The following TSPAN13 variants were observed in gnomAD, a reference collection of about 807,000 sequenced individuals.
TSPAN13 encodes tetraspanin 13.
Under a neutral mutation model 26.9 loss-of-function variants are expected in TSPAN13, and 18 were observed. That is an observed-to-expected ratio of 0.67 (90% CI 0.46 to 0.99). TSPAN13 has a LOEUF of 0.99. Among genes scored for constraint, TSPAN13 ranks in the 50% least tolerant of loss-of-function variants. The pLI is 0.00. For synonymous variants in TSPAN13, 116 were observed against 98.4 expected, an observed-to-expected ratio of 1.18 and a Z score of -1.06; for missense variants, 201 against 249.6, an observed-to-expected ratio of 0.81 and a Z score of 1.31.
intron 5 of TSPAN13, among the ~76,000 whole-genome samples, chr7:16,782,089 T>TG (rs1346991900): frequency 1.3e-5 from 2 of 152,174 alleles, no homozygotes; most frequent in Admixed American, 6.5e-5. Context: ...TGAAAGCTAT[T>TG]GGGGGGATTA....
Position 16,776,242 on chromosome 7 carries a change from C to T in TSPAN13, c.95C>T (p.Ala32Val), listed in dbSNP as rs1396567398. The change falls in exon 2 of 6, where the codon GCG becomes GTG. Residue 32 changes from alanine (A) to valine (V), a missense_variant. By Grantham distance (64) the Ala-to-Val change is moderately conservative. Coordinates refer to ENST00000262067, the MANE Select transcript of TSPAN13 (RefSeq NM_014399.4). ...LVSLLLIGIA[A>V]WGIGFGLISS... The stretch of plus-strand genomic sequence containing the variant: ...AGTCTGCTGCTAATTGGAATTGCTG[C>T]GTGGGGCATTGGCTTCGGGCTGATT... 5 of 1,613,954 alleles carry T rather than the reference C, an allele frequency of 3.1e-6. No individual in the cohort carries two copies. Among genetic ancestry groups the T allele is most frequent in the East Asian group, 4.5e-5 (2 of 44,880 alleles).
At chr7:16,754,698 C>T (rs549108703) in intron 1 of TSPAN13, among the ~76,000 whole-genome samples, 5 of 152,220 alleles carry the variant, frequency 3.3e-5, no homozygotes, top group African/African-American at 7.2e-5. Context: ...TAAACCAAGT[C>T]CTCCAGGAAA....
chr7:16,758,582 G>A (rs937771396), intron 1 of TSPAN13, among the ~76,000 whole-genome samples: 4 of 152,084 alleles, frequency 2.6e-5, no homozygotes, highest in African/African-American at 9.7e-5. Context: ...AAGAAAACTC[G>A]TATAAAACAA....
intron 1 of TSPAN13, among the ~76,000 whole-genome samples, chr7:16,755,567 G>GT (rs1784473456): frequency 6.9e-6 from 1 of 144,936 alleles, no homozygotes; most frequent in African/African-American, 2.6e-5. Flanking sequence ...TTAAATCAGT[G>GT]TGAGTGGCCT....
At chr7:16,775,967 T>C (rs1339741206) in intron 1 of TSPAN13, 2 of 395,364 alleles carry the variant, frequency 5.1e-6, no homozygotes, top group African/African-American at 2.0e-5. Flanking sequence ...GTGAGAATTT[T>C]GCGTATTATC....
intron 3 of TSPAN13, 145 bp from the exon 4 acceptor site, chr7:16,777,653 A>C (rs1784769023): frequency 4.0e-6 from 2 of 503,860 alleles, no homozygotes; most frequent in Non-Finnish European, 3.4e-6. Context: ...TTTTGCTGCA[A>C]ACTGAGGAAT....
At chr7:16,771,993 A>G (rs1354356392) in intron 1 of TSPAN13, among the ~76,000 whole-genome samples, 2 of 152,218 alleles carry the variant, frequency 1.3e-5, no homozygotes, top group Non-Finnish European at 2.9e-5. Flanking sequence ...AACATTCTCA[A>G]TAATAGCATA....
rs1583798178 is a variant in TSPAN13 at position 16,783,602 on chromosome 7, C to T, written c.*111C>T. 3.2e-6 allele frequency: 3 copies of T among 928,036 alleles called. No individual in the cohort carries two copies. In the East Asian group the frequency reaches 7.2e-5, roughly 22 times the overall value. 57.5% of individuals were successfully genotyped at this position (928,036 alleles called of 1,614,324 possible). A position where few individuals can be genotyped will look rare whatever the true frequency, so the allele number is the denominator to read the frequency against. On this transcript the variant is annotated 3_prime_UTR_variant, in exon 6 of 6. Coordinates refer to ENST00000262067, the MANE Select transcript of TSPAN13 (RefSeq NM_014399.4). The stretch of plus-strand genomic sequence containing the variant: ...GAAGGAAACACTATCTGGAAAAGTA[C>T]CTTATTGATAGTGGAATTATATATT...
chr7:16,779,660 G>A (rs1357014231), intron 5 of TSPAN13, among the ~76,000 whole-genome samples: 1 of 151,208 alleles, frequency 6.6e-6, no homozygotes, highest in Non-Finnish European at 1.5e-5. Context: ...ATTTATGTAT[G>A]TGTATTTATC....
intron 2 of TSPAN13, 135 bp downstream of exon 2, chr7:16,776,513 A>G (rs1483710948): frequency 3.7e-6 from 3 of 802,712 alleles, no homozygotes; most frequent in Admixed American, 2.9e-5. Context: ...TTCAAGAACT[A>G]TTAGAAACAT....
At chr7:16,776,107 C>A (rs965230768) in intron 1 of TSPAN13, 104 bp from the exon 2 acceptor site, 24 of 1,086,960 alleles carry the variant, frequency 2.2e-5, no homozygotes, top group Admixed American at 4.9e-5. Context: ...TAAGAGACTA[C>A]GTAGGTGCCT....
Position 16,779,039 on chromosome 7 carries a change from G to A in TSPAN13, c.463G>A (p.Ala155Thr). 6.2e-7 allele frequency: 1 copy of A among 1,614,046 alleles called. No homozygotes were observed. Among genetic ancestry groups the A allele is most frequent in the Non-Finnish European group, 8.5e-7 (1 of 1,179,958 alleles). ...AAGTGACCACTCGTGCTCGCCATGT[G>A]CTCCAATCATAGGAGAATATGCTGG... ...VKSDHSCSPCAPIIGEYAGEV... is the reference protein window; with the variant it reads ...VKSDHSCSPCTPIIGEYAGEV... The change falls in exon 5 of 6, where the codon GCT becomes ACT. Residue 155 changes from alanine (A) to threonine (T), a missense_variant. Ala to Thr is a moderately conservative substitution (Grantham distance 58). Transcript: ENST00000262067.
chr7:16,769,731 G>A (rs908496774), intron 1 of TSPAN13, among the ~76,000 whole-genome samples: 1 of 151,918 alleles, frequency 6.6e-6, no homozygotes, highest in Non-Finnish European at 1.5e-5. Flanking sequence ...TGAAAGCTGT[G>A]TTTCTCTCCT....
chr7:16,762,810 TC>T (rs988604979), intron 1 of TSPAN13, among the ~76,000 whole-genome samples: 1 of 152,128 alleles, frequency 6.6e-6, no homozygotes. Context: ...CATGAATTGT[TC>T]CAGGCCAGGC....
In TSPAN13 at chr7:16,760,023, A is replaced by G. The variant is rs138264103; in HGVS notation, c.63+5993A>G. ...TGCTGGTTTATGCAAGGGACAGATG[A>G]GTCAAATATGAGTGGGACAGAGCAA... On this transcript the variant is annotated intron_variant, in intron 1 of 5. Coordinates refer to ENST00000262067, the MANE Select transcript of TSPAN13 (RefSeq NM_014399.4). Among the ~76,000 whole-genome samples, 155 of 152,214 alleles carry G rather than the reference A, an allele frequency of 1.0e-3. No homozygotes were observed. The East Asian group carries it at 0.027, about 27-fold the overall frequency.
rs778168369 is a variant in TSPAN13 at position 16,779,045 on chromosome 7, A to C, written c.469A>C (p.Ile157Leu). The change falls in exon 5 of 6, where the codon ATC (isoleucine) becomes CTC (leucine). Residue 157 changes from isoleucine (I) to leucine (L), a missense_variant. Transcript: ENST00000262067. ...CCACTCGTGCTCGCCATGTGCTCCAATCATAGGAGAATATGCTGGAGAGGT... is the reference window on the plus strand; with the variant it reads ...CCACTCGTGCTCGCCATGTGCTCCACTCATAGGAGAATATGCTGGAGAGGT... ...SDHSCSPCAP[I>L]IGEYAGEVLR... 1.1e-5 allele frequency: 18 copies of C among 1,614,034 alleles called. 1 individual carries two copies. The Middle Eastern group carries it at 4.9e-4, about 44-fold the overall frequency.
In TSPAN13 at chr7:16,778,984, T is replaced by A; in HGVS notation, c.427-19T>A. 1 of 1,550,218 alleles carries A rather than the reference T, an allele frequency of 6.5e-7. No individual in the cohort carries two copies. The highest frequency in any genetic ancestry group is 2.3e-5 in the East Asian group (1 of 44,194). ...AAATGTATTTTGAAATAAAGGTTTT[T>A]TTACTTTAATTGGTGCAGAGCTGTG... On this transcript the variant is annotated intron_variant, in intron 4 of 5. Transcript: ENST00000262067.
intron 5 of TSPAN13, 36 bp from the exon 6 acceptor site, chr7:16,783,381 C>G (rs765424634): frequency 6.3e-7 from 1 of 1,584,384 alleles, no homozygotes; most frequent in East Asian, 2.2e-5. Context: ...ATGTTACTTT[C>G]TTTTTCTTTA....
intron 5 of TSPAN13, among the ~76,000 whole-genome samples, chr7:16,781,190 T>C (rs1266243769): frequency 2.0e-5 from 3 of 152,186 alleles, no homozygotes; most frequent in Non-Finnish European, 4.4e-5. Context: ...TACAAAAAAT[T>C]ATGAAGATGA....
Sources: gnomAD v4.1 joint callset for allele counts (sites outside exome capture counted in the v4.1 genomes callset) on GRCh38, gnomAD v4.1.1 for gene constraint, MANE v1.5 for transcripts, NCBI Gene and HGNC (gene_info 2026-07-23, HGNC 2026-07-21) for gene names.